RIMS1: variants seen among roughly 807,000 people sequenced by gnomAD.
RIMS1 encodes regulating synaptic membrane exocytosis protein 1.
A neutral mutation model predicts 214.1 loss-of-function variants in RIMS1; 83 were observed. The ratio of observed to expected loss-of-function variants is 0.39; its 90% CI spans 0.32 to 0.47. RIMS1 has a LOEUF of 0.47. RIMS1 is among the 20% of genes least tolerant of loss of function. The probability of loss-of-function intolerance (pLI) is 0.99; values close to 1 mark genes in which losing one functional copy is unlikely to be tolerated. For synonymous variants in RIMS1, 793 were observed against 786.8 expected, an observed-to-expected ratio of 1.01 and a Z score of -0.13; for missense variants, 2,050 against 2,161.8, an observed-to-expected ratio of 0.95 and a Z score of 1.03.
At chr6:72,256,885 T>C (rs1215540355) in intron 16 of RIMS1, among the ~76,000 whole-genome samples, 1 of 152,044 alleles carries the variant, frequency 6.6e-6, no homozygotes, top group Non-Finnish European at 1.5e-5. Flanking sequence ...TATTTCAAAT[T>C]ATAAATTATA....
intron 4 of RIMS1, among the ~76,000 whole-genome samples, chr6:72,121,193 A>G (rs1013357955): frequency 5.3e-5 from 8 of 151,692 alleles, no homozygotes; most frequent in Non-Finnish European, 1.0e-4. Context: ...TGTGAAGAAA[A>G]TCATTGGTAG....
intron 29 of RIMS1, among the ~76,000 whole-genome samples, chr6:72,354,230 TAAAC>T (rs145886402): frequency 0.047 from 7,164 of 151,970 alleles, 210 homozygotes; most frequent in Middle Eastern, 0.073. Flanking sequence ...AATAAATAAA[TAAAC>T]AAACAAACAA....
chr6:72,027,692 C>G (rs939661610), intron 2 of RIMS1, among the ~76,000 whole-genome samples: 1 of 152,038 alleles, frequency 6.6e-6, no homozygotes, highest in Non-Finnish European at 1.5e-5. Flanking sequence ...TAGCTTCTTA[C>G]TGTCATAAAG....
intron 29 of RIMS1, among the ~76,000 whole-genome samples, chr6:72,348,232 G>A (rs1032674699): frequency 5.3e-5 from 8 of 151,732 alleles, no homozygotes; most frequent in African/African-American, 1.5e-4. Flanking sequence ...TTTGAGCTTC[G>A]CAGGCCCGCT....
chr6:72,072,460 G>A (rs1470463512), intron 2 of RIMS1, among the ~76,000 whole-genome samples: 1 of 152,146 alleles, frequency 6.6e-6, no homozygotes, highest in East Asian at 1.9e-4. Flanking sequence ...TCTGAAAGGA[G>A]CTTTGAAGAT....
chr6:72,106,445 A>G (rs1481074913), intron 4 of RIMS1, among the ~76,000 whole-genome samples: 4 of 152,304 alleles, frequency 2.6e-5, no homozygotes, highest in South Asian at 2.1e-4. Context: ...TTTAAACTAC[A>G]TAGAAACACA....
intron 28 of RIMS1, 56 bp downstream of exon 28, chr6:72,313,728 C>T: frequency 6.7e-7 from 1 of 1,482,850 alleles, no homozygotes; most frequent in Non-Finnish European, 9.1e-7. Flanking sequence ...TATAAAAATA[C>T]AACTAGCTTC....
chr6:72,014,663 A>G (rs1812100917), intron 2 of RIMS1, among the ~76,000 whole-genome samples: 1 of 152,214 alleles, frequency 6.6e-6, no homozygotes, highest in Non-Finnish European at 1.5e-5. Context: ...ATTTTGTGGA[A>G]CTGAAAAGCC....
intron 2 of RIMS1, among the ~76,000 whole-genome samples, chr6:72,042,013 T>G (rs1330688428): frequency 6.6e-6 from 1 of 151,960 alleles, no homozygotes; most frequent in East Asian, 1.9e-4. Flanking sequence ...GAAAATTTTA[T>G]TTACATTTGT....
rs866416277 is a variant in RIMS1 at position 72,182,877 on chromosome 6, C to T, written c.1406C>T (p.Pro469Leu). The change falls in exon 6 of 34, where the codon CCC becomes CTC. Residue 469 changes from proline (P) to leucine (L), a missense_variant. Transcript: ENST00000521978. ...AEAPELKAQE[P>L]LRKQSRLDPS... ...GCCCCGGAGCTCAAAGCCCAGGAGC[C>T]CCTCAGGAAGCAGAGCCGCCTGGAC... 2 of 1,564,118 alleles carry T rather than the reference C, an allele frequency of 1.3e-6. No homozygotes were observed. Among genetic ancestry groups the T allele is most frequent in the Admixed American group, 3.8e-5 (2 of 52,642 alleles).
At chr6:72,369,326 C>T (rs2098141568) in intron 29 of RIMS1, among the ~76,000 whole-genome samples, 1 of 151,832 alleles carries the variant, frequency 6.6e-6, no homozygotes, top group African/African-American at 2.4e-5. Flanking sequence ...GAGAGCAGTG[C>T]CTTTACCAGA....
At chr6:72,143,334 G>T (rs2042305758) in intron 4 of RIMS1, among the ~76,000 whole-genome samples, 1 of 152,300 alleles carries the variant, frequency 6.6e-6, no homozygotes, top group East Asian at 1.9e-4. Context: ...TATCAAAATA[G>T]GATATTGTTT....
intron 1 of RIMS1, among the ~76,000 whole-genome samples, chr6:71,915,452 T>C (rs73748945): frequency 0.052 from 7,869 of 152,222 alleles, 588 homozygotes; most frequent in African/African-American, 0.17. Flanking sequence ...AGCTATTTTC[T>C]GATTGTTCAC....
intron 2 of RIMS1, among the ~76,000 whole-genome samples, chr6:72,032,948 A>C (rs1818564554): frequency 6.6e-6 from 1 of 152,180 alleles, no homozygotes; most frequent in Admixed American, 6.6e-5. Flanking sequence ...GGGAGTTCTA[A>C]AGAAGAAATA....
intron 12 of RIMS1, 126 bp from the exon 13 acceptor site, chr6:72,250,204 A>G: frequency 1.2e-6 from 1 of 851,424 alleles, no homozygotes. Context: ...GTTTTTAGAA[A>G]TATCTGTAAT....
chr6:72,114,134 G>A (rs2036622379), intron 4 of RIMS1, among the ~76,000 whole-genome samples: 1 of 152,036 alleles, frequency 6.6e-6, no homozygotes, highest in African/African-American at 2.4e-5. Context: ...GTAAGATATT[G>A]TGATGATTAG....
intron 4 of RIMS1, among the ~76,000 whole-genome samples, chr6:72,152,126 T>C (rs1314802453): frequency 6.6e-6 from 1 of 152,180 alleles, no homozygotes; most frequent in African/African-American, 2.4e-5. Flanking sequence ...GGATTACATT[T>C]CACCATGAGA....
At chr6:72,219,260 A>G (rs575248527) in intron 6 of RIMS1, among the ~76,000 whole-genome samples, 2 of 152,300 alleles carry the variant, frequency 1.3e-5, no homozygotes, top group East Asian at 1.9e-4. Flanking sequence ...ATTTGATACT[A>G]TGATAATTGT....
Position 72,014,833 on chromosome 6 carries a change from A to G in RIMS1, c.245+45770A>G, listed in dbSNP as rs188975982. ...TTGTGGTTTTTATTTGCAAATCGCTAATGAATAATAAGGTCAAGCATCCTT... is the reference window on the plus strand; with the variant it reads ...TTGTGGTTTTTATTTGCAAATCGCTGATGAATAATAAGGTCAAGCATCCTT... On this transcript the variant is annotated intron_variant, in intron 2 of 33. Coordinates refer to ENST00000521978, the MANE Select transcript of RIMS1 (RefSeq NM_014989.7). Among the ~76,000 whole-genome samples the G allele has an allele frequency of 4.4e-4, 67 of 152,324 alleles. 1 individual carries two copies. In the East Asian group the frequency reaches 0.013, roughly 29 times the overall value.
Sources: gnomAD v4.1 joint callset for allele counts (sites outside exome capture counted in the v4.1 genomes callset) on GRCh38, gnomAD v4.1.1 for gene constraint, MANE v1.5 for transcripts, NCBI Gene and HGNC (gene_info 2026-07-23, HGNC 2026-07-21) for gene names.